SLC22A25: variants seen among roughly 807,000 people sequenced by gnomAD.
SLC22A25 encodes MGI:2442751, MGI:2385316, MGI:3042283, MGI:3645714, MGI:3605624, MGI:2442750.
Under a neutral mutation model 45.9 loss-of-function variants are expected in SLC22A25, and 44 were observed. The ratio of observed to expected loss-of-function variants is 0.96; its 90% CI spans 0.75 to 1.23. SLC22A25 has a LOEUF of 1.23. SLC22A25 is among the 50% of genes most tolerant of loss of function. SLC22A25 has a pLI of 0.00. For missense variants in SLC22A25, 800 were observed against 666.4 expected (o/e 1.20, Z -2.21); for synonymous variants, 283 against 238.6 (o/e 1.19, Z -1.72).
intron 7 of SLC22A25, among the ~76,000 whole-genome samples, chr11:63,192,605 A>G (rs2088854944): frequency 1.3e-5 from 2 of 152,222 alleles, no homozygotes; most frequent in South Asian, 2.1e-4. Flanking sequence ...TCTCACATGC[A>G]ATAGCACACA....
At chr11:63,185,310 C>G (rs1198750857) in intron 7 of SLC22A25, among the ~76,000 whole-genome samples, 4 of 151,774 alleles carry the variant, frequency 2.6e-5, no homozygotes, top group Admixed American at 2.6e-4. Flanking sequence ...ACAACAGGCC[C>G]TGGTGAGTGA....
intron 7 of SLC22A25, among the ~76,000 whole-genome samples, chr11:63,213,132 C>T (rs1226037520): frequency 1.3e-5 from 2 of 152,140 alleles, no homozygotes; most frequent in Non-Finnish European, 2.9e-5. Flanking sequence ...AGTGGCAGGT[C>T]AGGGAATTTC....
At chr11:63,193,182 C>T (rs1437447381) in intron 7 of SLC22A25, among the ~76,000 whole-genome samples, 1 of 152,168 alleles carries the variant, frequency 6.6e-6, no homozygotes, top group Non-Finnish European at 1.5e-5. Context: ...AGAGATTGTT[C>T]CAAGATAACT....
At chr11:63,167,043 A>C (rs543446281) in intron 9 of SLC22A25, 1 of 175,556 alleles carries the variant, frequency 5.7e-6, no homozygotes, top group Admixed American at 6.5e-5. Flanking sequence ...AAGCTGAAGC[A>C]GGGTGGGGCA....
At chr11:63,228,417 G>C (rs760355164) in intron 5 of SLC22A25, 44 bp downstream of exon 5, 5 of 1,386,212 alleles carry the variant, frequency 3.6e-6, no homozygotes, top group Non-Finnish European at 4.0e-6. Flanking sequence ...TTCATGAATT[G>C]ATGAAAATAC....
chr11:63,158,803 G>A lies in SLC22A25; in HGVS notation c.*5021C>T, dbSNP rs1001047756. 2.4e-4 allele frequency among the ~76,000 whole-genome samples: 36 copies of A among 151,934 alleles called. No homozygotes were observed. The highest frequency in any genetic ancestry group is 2.4e-3 in the Admixed American group (36 of 15,250). ...TTTAAAAATGAATTAAGTTATTATT[G>A]ACTATAGTCATCCTGTTGTGCTATC... On this transcript the variant is annotated 3_prime_UTR_variant, in exon 12 of 12. Coordinates refer to ENST00000306494, the MANE Select transcript of SLC22A25 (RefSeq NM_199352.6).
At chr11:63,164,467 G>A (rs2087610066) in intron 11 of SLC22A25, 59 bp downstream of exon 11, 4 of 1,411,218 alleles carry the variant, frequency 2.8e-6, no homozygotes, top group African/African-American at 1.4e-5. Context: ...CTTGTTAAGT[G>A]TCAATTGGTT....
intron 9 of SLC22A25, chr11:63,166,603 T>C (rs754580757): frequency 9.7e-7 from 1 of 1,030,884 alleles, no homozygotes; most frequent in African/African-American, 1.7e-5. Context: ...AATGAAAATA[T>C]ACAATTAAAA....
At chr11:63,174,408 A>T (rs776333506) in intron 9 of SLC22A25, among the ~76,000 whole-genome samples, 1 of 152,126 alleles carries the variant, frequency 6.6e-6, no homozygotes, top group Non-Finnish European at 1.5e-5. Flanking sequence ...AAGAACCACA[A>T]TGGCATATGC....
At chr11:63,166,928 C>T (rs1007876342) in intron 9 of SLC22A25, 91 of 882,926 alleles carry the variant, frequency 1.0e-4, no homozygotes, top group African/African-American at 1.5e-4. Context: ...CAGCTCCCAG[C>T]GAGAGCAATG....
At chr11:63,213,408 G>T (rs1364922040) in intron 7 of SLC22A25, among the ~76,000 whole-genome samples, 1 of 152,198 alleles carries the variant, frequency 6.6e-6, no homozygotes, top group East Asian at 1.9e-4. Context: ...TGGGCTGTTG[G>T]CATCAGCTGG....
At chr11:63,191,326 G>A (rs2088806258) in intron 7 of SLC22A25, among the ~76,000 whole-genome samples, 2 of 152,172 alleles carry the variant, frequency 1.3e-5, no homozygotes, top group Non-Finnish European at 2.9e-5. Flanking sequence ...GAGGCTCTGT[G>A]GGCATAGGAC....
intron 7 of SLC22A25, among the ~76,000 whole-genome samples, chr11:63,211,648 C>T (rs191250119): frequency 0.022 from 3,282 of 152,184 alleles, 121 homozygotes; most frequent in African/African-American, 0.075. Context: ...CTTCCTTACA[C>T]CTTATACAAA....
chr11:63,198,545 G>A (rs1318529876), intron 7 of SLC22A25, among the ~76,000 whole-genome samples: 1 of 152,078 alleles, frequency 6.6e-6, no homozygotes, highest in Non-Finnish European at 1.5e-5. Context: ...ACAGAGTGGG[G>A]AACATCACAC....
chr11:63,234,412 G>C (rs1353447139), intron 3 of SLC22A25, among the ~76,000 whole-genome samples: 1 of 152,142 alleles, frequency 6.6e-6, no homozygotes, highest in South Asian at 2.1e-4. Context: ...TGTCCCTTTT[G>C]ATCTTTGTTG....
intron 8 of SLC22A25, among the ~76,000 whole-genome samples, chr11:63,182,669 C>A (rs2088372649): frequency 6.6e-6 from 1 of 151,878 alleles, no homozygotes; most frequent in South Asian, 2.1e-4. Context: ...ATATTTATTT[C>A]TTCCTGCCAC....
At chr11:63,164,173 A>G (rs555906319) in intron 11 of SLC22A25, 100 bp from the exon 12 acceptor site, 4 of 1,424,990 alleles carry the variant, frequency 2.8e-6, no homozygotes, top group East Asian at 2.3e-5. Context: ...ACTTAAACAC[A>G]TGGAGGTGAT....
At chr11:63,193,614 C>A (rs568192552) in intron 7 of SLC22A25, among the ~76,000 whole-genome samples, 1 of 152,248 alleles carries the variant, frequency 6.6e-6, no homozygotes, top group East Asian at 1.9e-4. Context: ...GGAATAGCAC[C>A]AACATCAACA....
intron 5 of SLC22A25, among the ~76,000 whole-genome samples, chr11:63,225,133 A>G (rs1018011209): frequency 2.0e-5 from 3 of 152,132 alleles, no homozygotes; most frequent in Non-Finnish European, 4.4e-5. Context: ...TAAAAATAAA[A>G]TAAAATAAAA....
Sources: gnomAD v4.1 joint callset for allele counts (sites outside exome capture counted in the v4.1 genomes callset) on GRCh38, gnomAD v4.1.1 for gene constraint, MANE v1.5 for transcripts, NCBI Gene and HGNC (gene_info 2026-07-23, HGNC 2026-07-21) for gene names.